DYNLT3: variants seen among roughly 807,000 people sequenced by gnomAD.
The protein encoded by DYNLT3 is dynein light chain Tctex-type 3.
A neutral mutation model predicts 11.0 loss-of-function variants in DYNLT3; 4 were observed. The observed-to-expected ratio is 0.36, with a 90% CI of 0.18 to 0.83. The LOEUF (loss-of-function observed/expected upper bound fraction) is 0.83. Among genes scored for constraint, DYNLT3 ranks in the 40% least tolerant of loss-of-function variants. The pLI is 0.47. For missense variants in DYNLT3, 91 were observed against 91.1 expected (o/e 1.00, Z 0.01); for synonymous variants, 37 against 31.2 (o/e 1.18, Z -0.61).
At chrX:37,840,749 TATACACACAC>T (rs1930131227) in intron 4 of DYNLT3, 98 bp from the exon 5 acceptor site, 2 of 393,281 alleles carry the variant, frequency 5.1e-6, no homozygotes, top group African/African-American at 4.2e-5. Context: ...CACACACACA[TATACACACAC>T]ACACACACAC....
intron 1 of DYNLT3, 67 bp downstream of exon 1, chrX:37,847,414 C>A: frequency 2.0e-6 from 2 of 1,005,230 alleles, no homozygotes; most frequent in Non-Finnish European, 2.5e-6. Flanking sequence ...GGGAGACCAC[C>A]CGGCAAGAGC....
Position 37,840,212 on chromosome X carries a change from G to A in DYNLT3, c.*363C>T, listed in dbSNP as rs1930115238. 8.7e-6 allele frequency: 1 copy of A among 114,950 alleles called. No homozygotes were observed. Among genetic ancestry groups the A allele is most frequent in the South Asian group, 3.6e-4 (1 of 2,776 alleles). The allele number at this position is 114,950 out of a possible 1,213,427, so 9.5% of individuals were successfully genotyped here. The stretch of plus-strand genomic sequence containing the variant: ...CTTTTTTGTTCATATATTTATTCCT[G>A]TTAACTTCTCTAGCTGAAAGAGAAT... On this transcript the variant is annotated 3_prime_UTR_variant, in exon 5 of 5. Coordinates refer to ENST00000378578, the MANE Select transcript of DYNLT3 (RefSeq NM_006520.3).
chrX:37,845,328 C>T (rs561162530), intron 2 of DYNLT3, among the ~76,000 whole-genome samples: 3 of 112,328 alleles, frequency 2.7e-5, no homozygotes, highest in African/African-American at 9.7e-5. Context: ...TGTGTAAGGC[C>T]AGACCTGGGT....
In DYNLT3 at chrX:37,839,725, C is replaced by T. The variant is rs1271031291; in HGVS notation, c.*850G>A. On this transcript the variant is annotated 3_prime_UTR_variant, in exon 5 of 5. Coordinates refer to ENST00000378578, the MANE Select transcript of DYNLT3 (RefSeq NM_006520.3). Reference sequence around the variant, plus strand: ...AAAACAACTACTTTCTTTTCCTTCCCCAAATATTAATACGTCTTCCAACTG... The same window carrying T: ...AAAACAACTACTTTCTTTTCCTTCCTCAAATATTAATACGTCTTCCAACTG... 8.9e-6 allele frequency: 1 copy of T among 112,474 alleles called. No individual in the cohort carries two copies. Among genetic ancestry groups the T allele is most frequent in the African/African-American group, 3.2e-5 (1 of 30,937 alleles). 9.3% of individuals were successfully genotyped at this position (112,474 alleles called of 1,213,427 possible).
chrX:37,846,240 G>T, intron 2 of DYNLT3, 77 bp downstream of exon 2: 2 of 1,000,832 alleles, frequency 2.0e-6, no homozygotes, highest in Non-Finnish European at 2.8e-6. Flanking sequence ...CTAAGTTTGT[G>T]CTGAAACTCA....
Position 37,840,057 on chromosome X carries a change from T to C in DYNLT3, c.*518A>G. ...GTTAATCATAGTTGTTACTATACTATTAGTTGATAGAAAATTAAAAAAATT... is the reference window on the plus strand; with the variant it reads ...GTTAATCATAGTTGTTACTATACTACTAGTTGATAGAAAATTAAAAAAATT... On this transcript the variant is annotated 3_prime_UTR_variant, in exon 5 of 5. Transcript: ENST00000378578. 2 of 111,474 alleles carry C rather than the reference T, an allele frequency of 1.8e-5. 1 individual carries two copies. Among genetic ancestry groups the C allele is most frequent in the Non-Finnish European group, 3.8e-5 (2 of 53,102 alleles). 9.2% of individuals were successfully genotyped at this position (111,474 alleles called of 1,213,427 possible). A position where few individuals can be genotyped will look rare whatever the true frequency, so the allele number is the denominator to read the frequency against.
chrX:37,846,177 C>T (rs774451520), intron 2 of DYNLT3, 140 bp downstream of exon 2: 4 of 664,312 alleles, frequency 6.0e-6, no homozygotes, highest in African/African-American at 2.3e-5. Context: ...TCTCAAAAAA[C>T]AATAAAATAA....
rs200958514 is a variant in DYNLT3 at position 37,841,895 on chromosome X, C to G, written c.83G>C (p.Gly28Ala). ...ATTATAATCTTCACCACCTAAAACC[C>G]CATCTACACACTAAAAGGGCACAGA... Reference protein sequence around the residue: ...AHNIVKECVDGVLGGEDYNHN... With the variant: ...AHNIVKECVDAVLGGEDYNHN... The change falls in exon 3 of 5, where the codon GGG becomes GCG. Residue 28 changes from glycine to alanine, a missense_variant. By Grantham distance (60) the Gly-to-Ala change is moderately conservative. Transcript: ENST00000378578. 2 of 1,120,769 alleles carry G rather than the reference C, an allele frequency of 1.8e-6. No homozygotes were observed. The highest frequency in any genetic ancestry group is 2.4e-6 in the Non-Finnish European group (2 of 837,953). 92.4% of individuals were successfully genotyped at this position (1,120,769 alleles called of 1,213,427 possible).
intron 2 of DYNLT3, among the ~76,000 whole-genome samples, chrX:37,844,070 CAG>C (rs1338797005): frequency 9.0e-6 from 1 of 111,668 alleles, no homozygotes; most frequent in Non-Finnish European, 1.9e-5. Context: ...CATAATGCAT[CAG>C]AGTTTGTTTT....
chrX:37,840,920 G>A (rs1930142208), intron 4 of DYNLT3, 108 bp downstream of exon 4: 1 of 829,133 alleles, frequency 1.2e-6, no homozygotes. Context: ...CAATACTGTT[G>A]ATAGTCTTTT....
At chrX:37,847,274 C>A in intron 1 of DYNLT3, 1 of 869,366 alleles carries the variant, frequency 1.2e-6, no homozygotes, top group South Asian at 2.8e-5. Context: ...CGCTCCTGGC[C>A]ACCCCTCCCA....
chrX:37,847,569 A>G lies in DYNLT3; in HGVS notation c.-59T>C. 1.1e-6 allele frequency: 1 copy of G among 949,427 alleles called. No individual in the cohort carries two copies. Among genetic ancestry groups the G allele is most frequent in the Non-Finnish European group, 1.3e-6 (1 of 755,738 alleles). The allele number at this position is 949,427 out of a possible 1,213,427, so 78.2% of individuals were successfully genotyped here. A position where few individuals can be genotyped will look rare whatever the true frequency, so the allele number is the denominator to read the frequency against. The stretch of plus-strand genomic sequence containing the variant: ...CGCCGGTAGAGCACCGCGGCCGCGC[A>G]CTGGCCTCCGGGGAGGCCCCACCCC... On this transcript the variant is annotated 5_prime_UTR_variant, in exon 1 of 5. Coordinates refer to ENST00000378578, the MANE Select transcript of DYNLT3 (RefSeq NM_006520.3).
At chrX:37,845,573 T>C (rs1930252629) in intron 2 of DYNLT3, among the ~76,000 whole-genome samples, 1 of 112,842 alleles carries the variant, frequency 8.9e-6, no homozygotes, top group Non-Finnish European at 1.9e-5. Flanking sequence ...AGGCAGATAT[T>C]TCTAGGGCTT....
chrX:37,841,983 A>C lies in DYNLT3; in HGVS notation c.73-78T>G, dbSNP rs111517723. On this transcript the variant is annotated intron_variant, in intron 2 of 4. Transcript: ENST00000378578. Reference sequence around the variant, plus strand: ...ACAATTTTTACACAAATTGCAGTAAAAATTTATTCAAAACATAAAATATAC... The same window carrying C: ...ACAATTTTTACACAAATTGCAGTAACAATTTATTCAAAACATAAAATATAC... The C allele has an allele frequency of 2.7e-4, 246 of 906,868 alleles. 1 individual carries two copies. The African/African-American group carries it at 4.3e-3, about 16-fold the overall frequency. The allele number at this position is 906,868 out of a possible 1,213,427, so 74.7% of individuals were successfully genotyped here. A position where few individuals can be genotyped will look rare whatever the true frequency, so the allele number is the denominator to read the frequency against.
chrX:37,840,438 T>C lies in DYNLT3; in HGVS notation c.*137A>G, dbSNP rs747819558. ...ACTATGATATTGCTTGCTTATAATA[T>C]TCAGTTTTTGTTGATAGCTTTAAAG... On this transcript the variant is annotated 3_prime_UTR_variant, in exon 5 of 5. Transcript: ENST00000378578. 4.1e-5 allele frequency: 18 copies of C among 438,100 alleles called. No homozygotes were observed. The highest frequency in any genetic ancestry group is 6.2e-5 in the Non-Finnish European group (17 of 275,539). 36.1% of individuals were successfully genotyped at this position (438,100 alleles called of 1,213,427 possible). A position where few individuals can be genotyped will look rare whatever the true frequency, so the allele number is the denominator to read the frequency against.
Position 37,847,487 on chromosome X carries a change from G to A in DYNLT3, c.24C>T (p.Cys8=). 1 of 999,937 alleles carries A rather than the reference G, an allele frequency of 1.0e-6. No homozygotes were observed. Among genetic ancestry groups the A allele is most frequent in the Non-Finnish European group, 1.3e-6 (1 of 788,359 alleles). The allele number at this position is 999,937 out of a possible 1,213,427, so 82.4% of individuals were successfully genotyped here. ...GGTAGCCAAGGGGCGGTACCTCGTCGCAGTGGCGATGGTACTCCTCCATGG... is the reference window on the plus strand; with the variant it reads ...GGTAGCCAAGGGGCGGTACCTCGTCACAGTGGCGATGGTACTCCTCCATGG... MEEYHRH[C]DEVGFNAEEA... The change falls in exon 1 of 5, where the codon TGC becomes TGT. Residue 8 remains cysteine (C), a synonymous_variant. Transcript: ENST00000378578.
intron 4 of DYNLT3, 102 bp from the exon 5 acceptor site, chrX:37,840,753 C>CACAGACAA: frequency 5.5e-6 from 1 of 180,685 alleles, no homozygotes; most frequent in African/African-American, 9.0e-5. Context: ...CACACATATA[C>CACAGACAA]ACACACACAC....
intron 4 of DYNLT3, 37 bp from the exon 5 acceptor site, chrX:37,840,688 A>C (rs1483631868): frequency 3.8e-6 from 4 of 1,060,461 alleles, no homozygotes; most frequent in African/African-American, 1.9e-5. Context: ...ATACCAGCAA[A>C]ACATAAAAAT....
chrX:37,845,357 C>T (rs1930247697), intron 2 of DYNLT3, among the ~76,000 whole-genome samples: 1 of 112,231 alleles, frequency 8.9e-6, no homozygotes, highest in Non-Finnish European at 1.9e-5. Context: ...ATACCTTTCC[C>T]ACACTGTGGT....
Sources: gnomAD v4.1 joint callset for allele counts (sites outside exome capture counted in the v4.1 genomes callset) on GRCh38, gnomAD v4.1.1 for gene constraint, MANE v1.5 for transcripts, NCBI Gene and HGNC (gene_info 2026-07-23, HGNC 2026-07-21) for gene names.